FAM8A1: variants seen among roughly 807,000 people sequenced by gnomAD.
FAM8A1 encodes the protein family with sequence similarity 8 member A1.
A neutral mutation model predicts 38.3 loss-of-function variants in FAM8A1; 18 were observed. The ratio of observed to expected loss-of-function variants is 0.47; its 90% confidence interval spans 0.33 to 0.70. The LOEUF (loss-of-function observed/expected upper bound fraction) is 0.70. FAM8A1 is among the 30% of genes least tolerant of loss of function. The probability of loss-of-function intolerance (pLI) is 0.03; values close to 1 mark genes in which losing one functional copy is unlikely to be tolerated. For missense variants in FAM8A1, 559 were observed against 559.6 expected, an observed-to-expected ratio of 1.00 and a Z score of 0.01; for synonymous variants, 246 against 234.4, an observed-to-expected ratio of 1.05 and a Z score of -0.45.
chr6:17,607,258 C>CAAAAAA (rs879878979), intron 4 of FAM8A1, among the ~76,000 whole-genome samples: 8 of 35,194 alleles, frequency 2.3e-4, no homozygotes, highest in East Asian at 8.7e-4. Context: ...GACTCCATCT[C>CAAAAAA]AAAAAAAAAA....
In FAM8A1 at chr6:17,600,592, C is replaced by A. The variant is rs1391656648; in HGVS notation, c.183C>A (p.Ala61=). 1 of 1,490,152 alleles carries A rather than the reference C, an allele frequency of 6.7e-7. No homozygotes were observed. The highest frequency in any genetic ancestry group is 8.9e-7 in the Non-Finnish European group (1 of 1,125,148). 92.3% of individuals were successfully genotyped at this position (1,490,152 alleles called of 1,614,324 possible). ...GRPTAPGLAA[A]AAADKLEPPR... is the part of the protein sequence containing the mutation. ...CCACAGCCCCGGGCCTCGCGGCTGC[C>A]GCCGCAGCCGACAAATTGGAGCCGC... Residue 61 remains alanine, a synonymous_variant, in exon 1 of 5, where the codon GCC becomes GCA. Transcript: ENST00000259963.
chr6:17,600,874 C>A lies in FAM8A1; in HGVS notation c.465C>A (p.Gly155=). 1 of 1,605,756 alleles carries A rather than the reference C, an allele frequency of 6.2e-7. No individual in the cohort carries two copies. Among genetic ancestry groups the A allele is most frequent in the Non-Finnish European group, 8.5e-7 (1 of 1,178,118 alleles). Reference sequence around the variant, plus strand: ...CCCCGCAGAGCTTCCCTTCGGGCGGCGCTGCAGTCCCCCAGGCCGCGGCGC... The same window carrying A: ...CCCCGCAGAGCTTCCCTTCGGGCGGAGCTGCAGTCCCCCAGGCCGCGGCGC... ...QPSPQSFPSG[G]AAVPQAAAPP... The change falls in exon 1 of 5, where the codon GGC becomes GGA. Residue 155 remains glycine (G), a synonymous_variant. Transcript: ENST00000259963.
rs190492753 is a variant in FAM8A1, at chr6:17,607,128, C to T, written c.1098-1067C>T. 3.7e-4 allele frequency among the ~76,000 whole-genome samples: 56 copies of T among 151,772 alleles called. 1 individual carries two copies. The highest frequency in any genetic ancestry group is 5.9e-5 in the Non-Finnish European group (4 of 67,926). On this transcript the variant is annotated intron_variant, in intron 4 of 4. Transcript: ENST00000259963. The stretch of plus-strand genomic sequence containing the variant: ...ACAAAAAATTAGCCGGGCGTGGTGG[C>T]GGGCCCTGTAGTCCCAGCTACTCAG...
Position 17,608,560 on chromosome 6 carries a change from G to A in FAM8A1, c.*221G>A. 1 of 393,666 alleles carries A rather than the reference G, an allele frequency of 2.5e-6. No homozygotes were observed. The highest frequency in any genetic ancestry group is 4.4e-6 in the Non-Finnish European group (1 of 226,582). The allele number at this position is 393,666 out of a possible 1,614,324, so 24.4% of individuals were successfully genotyped here. A position where few individuals can be genotyped will look rare whatever the true frequency, so the allele number is the denominator to read the frequency against. ...GTATTAAAATTTTTAGATCAAAAAG[G>A]CAAATGATTTTATAAACAATGGACA... On this transcript the variant is annotated 3_prime_UTR_variant, in exon 5 of 5. Coordinates refer to ENST00000259963, the MANE Select transcript of FAM8A1 (RefSeq NM_016255.3).
At position 17,602,576 on chromosome 6, in the gene FAM8A1, T is replaced by A. The variant is rs780908188; in HGVS notation, c.713-14T>A. ...ATTCGTTTTTCCTAACTTTTTTTTTTTTTTAATTTACAGGCAGAGAATATG... is the reference window on the plus strand; with the variant it reads ...ATTCGTTTTTCCTAACTTTTTTTTTATTTTAATTTACAGGCAGAGAATATG... On this transcript the variant is annotated splice_polypyrimidine_tract_variant and intron_variant, in intron 1 of 4. Transcript: ENST00000259963. The A allele has an allele frequency of 9.1e-6, 14 of 1,534,380 alleles. No individual in the cohort carries two copies. The highest frequency in any genetic ancestry group is 2.3e-4 in the Middle Eastern group (1 of 4,334).
Position 17,608,281 on chromosome 6 carries a change from G to A in FAM8A1, c.1184G>A (p.Arg395Gln), listed in dbSNP as rs1316030241. 14 of 1,613,190 alleles carry A rather than the reference G, an allele frequency of 8.7e-6. No individual in the cohort carries two copies. The highest frequency in any genetic ancestry group is 2.2e-5 in the East Asian group (1 of 44,850). The part of the protein sequence containing the change: ...FITLLFFQHN[R>Q]TAYDIVAGTI... ...ACACTGCTGTTTTTTCAGCATAATC[G>A]AACAGCTTATGACATTGTAGCAGGA... Residue 395 changes from arginine (R) to glutamine (Q), a missense_variant, in exon 5 of 5, where the codon CGA becomes CAA. Physicochemically the swap from Arg to Gln is conservative, Grantham distance 43. Around this residue, in one of 2 missense-constraint regions of FAM8A1, gnomAD observed 166 missense variants for 220.8 expected, o/e 0.75. Coordinates refer to ENST00000259963, the MANE Select transcript of FAM8A1 (RefSeq NM_016255.3).
rs774848075 is a variant in FAM8A1 at position 17,601,053 on chromosome 6, C to A, written c.644C>A (p.Ala215Asp). The A allele has an allele frequency of 5.0e-6, 8 of 1,596,034 alleles. No individual in the cohort carries two copies. The African/African-American group carries it at 1.1e-4, about 21-fold the overall frequency. Residue 215 changes from alanine to aspartate, a missense_variant, in exon 1 of 5, where the codon GCC (alanine) becomes GAC (aspartate). Physicochemically the swap from Ala to Asp is moderately radical, Grantham distance 126. This residue lies in a region of FAM8A1 where 393 missense variants were observed against 338.9 expected (regional missense o/e 1.16). Coordinates refer to ENST00000259963, the MANE Select transcript of FAM8A1 (RefSeq NM_016255.3). Reference protein sequence around the residue: ...RAPHVQASVRATPVTRVGSAA... With the variant: ...RAPHVQASVRDTPVTRVGSAA... ...CCTCACGTGCAGGCGTCGGTCCGGG[C>A]CACTCCAGTGACGAGGGTAGGATCC...
At position 17,610,681 on chromosome 6, in the gene FAM8A1, G is replaced by GT. The variant is rs1373267647; in HGVS notation, c.*2343dup. On this transcript the variant is annotated 3_prime_UTR_variant, in exon 5 of 5. Coordinates refer to ENST00000259963, the MANE Select transcript of FAM8A1 (RefSeq NM_016255.3). ...TATAGACCTGATTTTCTGTGTCAAAGTATAATTCTCATGCTGAAGCTGTAG... is the reference window on the plus strand; with the variant it reads ...TATAGACCTGATTTTCTGTGTCAAAGTTATAATTCTCATGCTGAAGCTGTAG... 6.6e-6 allele frequency: 1 copy of GT among 152,144 alleles called. No homozygotes were observed. Among genetic ancestry groups the GT allele is most frequent in the Non-Finnish European group, 1.5e-5 (1 of 68,004 alleles). 9.4% of individuals were successfully genotyped at this position (152,144 alleles called of 1,614,324 possible). A position where few individuals can be genotyped will look rare whatever the true frequency, so the allele number is the denominator to read the frequency against.
At position 17,600,745 on chromosome 6, in the gene FAM8A1, G is replaced by T; in HGVS notation, c.336G>T (p.Glu112Asp). The part of the protein sequence containing the change: ...RERPARLSAR[E>D]YSRQVHEWLW... Reference sequence around the variant, plus strand: ...GACCAGCTCGGCTGAGCGCCCGCGAGTACTCCCGGCAAGTGCACGAGTGGC... The same window carrying T: ...GACCAGCTCGGCTGAGCGCCCGCGATTACTCCCGGCAAGTGCACGAGTGGC... The change falls in exon 1 of 5, where the codon GAG (glutamate) becomes GAT (aspartate). Residue 112 changes from glutamate (E) to aspartate (D), a missense_variant. Glu to Asp is a conservative substitution (Grantham distance 45, BLOSUM62 2). Transcript: ENST00000259963. 2.5e-6 allele frequency: 4 copies of T among 1,569,310 alleles called. No homozygotes were observed. Among genetic ancestry groups the T allele is most frequent in the Non-Finnish European group, 3.5e-6 (4 of 1,159,040 alleles).
rs1277906535 is a variant in FAM8A1, at chr6:17,611,439, A to G, written c.*3100A>G. 6.6e-6 allele frequency: 1 copy of G among 152,654 alleles called. No individual in the cohort carries two copies. The highest frequency in any genetic ancestry group is 6.5e-5 in the Admixed American group (1 of 15,274). 9.5% of individuals were successfully genotyped at this position (152,654 alleles called of 1,614,324 possible). On this transcript the variant is annotated 3_prime_UTR_variant, in exon 5 of 5. Transcript: ENST00000259963. ...CAGTTGTTTCTTTGAATATGCCTAA[A>G]TAACAGTATTCTTAAAATCTGACAG...
rs1230463288 is a variant in FAM8A1 at position 17,600,541 on chromosome 6, G to A, written c.132G>A (p.Gln44=). Residue 44 remains glutamine, a synonymous_variant, in exon 1 of 5, where the codon CAG becomes CAA. Coordinates refer to ENST00000259963, the MANE Select transcript of FAM8A1 (RefSeq NM_016255.3). ...TAVPCPRDDP[Q]AEPQAPGRPT... ...TCCCATGCCCCCGCGACGACCCCCAGGCCGAACCCCAGGCCCCGGGCCGGC... is the reference window on the plus strand; with the variant it reads ...TCCCATGCCCCCGCGACGACCCCCAAGCCGAACCCCAGGCCCCGGGCCGGC... 1 of 1,522,240 alleles carries A rather than the reference G, an allele frequency of 6.6e-7. No individual in the cohort carries two copies. The highest frequency in any genetic ancestry group is 8.8e-7 in the Non-Finnish European group (1 of 1,139,370). 94.3% of individuals were successfully genotyped at this position (1,522,240 alleles called of 1,614,324 possible).
intron 1 of FAM8A1, 97 bp from the exon 2 acceptor site, chr6:17,602,493 C>A: frequency 1.6e-6 from 2 of 1,221,666 alleles, no homozygotes; most frequent in Admixed American, 2.4e-5. Flanking sequence ...TTAAGTTGTA[C>A]CTTGACTTTC....
chr6:17,606,241 C>A (rs1300254040), intron 4 of FAM8A1, among the ~76,000 whole-genome samples: 1 of 143,158 alleles, frequency 7.0e-6, no homozygotes, highest in African/African-American at 2.7e-5. Flanking sequence ...CACTCTGTTG[C>A]CCAGGCTGGA....
At chr6:17,603,254 T>C (rs748139440) in intron 2 of FAM8A1, among the ~76,000 whole-genome samples, 16 of 152,262 alleles carry the variant, frequency 1.1e-4, no homozygotes, top group Non-Finnish European at 2.1e-4. Context: ...ATATGCCATG[T>C]ATTGAGCTTG....
intron 1 of FAM8A1, among the ~76,000 whole-genome samples, chr6:17,601,388 C>T (rs767109650): frequency 8.9e-4 from 136 of 152,352 alleles, no homozygotes; most frequent in Non-Finnish European, 1.4e-3. Flanking sequence ...AAAGAAATTG[C>T]TCTTCAAACC....
intron 2 of FAM8A1, among the ~76,000 whole-genome samples, chr6:17,602,969 C>A (rs4142551): frequency 0.21 from 32,503 of 152,140 alleles, 4,092 homozygotes; most frequent in Non-Finnish European, 0.27. Context: ...AGCCTCCAAA[C>A]CTGCTTTGAT....
chr6:17,601,451 C>G (rs1252606443), intron 1 of FAM8A1, among the ~76,000 whole-genome samples: 2 of 152,160 alleles, frequency 1.3e-5, no homozygotes, highest in Non-Finnish European at 2.9e-5. Flanking sequence ...GCTAAATTCG[C>G]AAATGGCAAA....
Position 17,602,662 on chromosome 6 carries a change from T to C in FAM8A1, c.785T>C (p.Phe262Ser). The C allele has an allele frequency of 6.2e-7, 1 of 1,613,808 alleles. No homozygotes were observed. Among genetic ancestry groups the C allele is most frequent in the East Asian group, 2.2e-5 (1 of 44,838 alleles). ...AEMVDFFILF[F>S]IKATIVLSIM... ...ATGGTGGATTTCTTTATTCTCTTCTTTATAAAAGCAACCATTGTCTTAAGC... is the reference window on the plus strand; with the variant it reads ...ATGGTGGATTTCTTTATTCTCTTCTCTATAAAAGCAACCATTGTCTTAAGC... The change falls in exon 2 of 5, where the codon TTT becomes TCT. Residue 262 changes from phenylalanine to serine, a missense_variant. Coordinates refer to ENST00000259963, the MANE Select transcript of FAM8A1 (RefSeq NM_016255.3).
At position 17,602,579 on chromosome 6, in the gene FAM8A1, TTA is replaced by T; in HGVS notation, c.713-10_713-9del. 1 of 1,532,252 alleles carries T rather than the reference TTA, an allele frequency of 6.5e-7. No homozygotes were observed. The allele number at this position is 1,532,252 out of a possible 1,614,324, so 94.9% of individuals were successfully genotyped here. On this transcript the variant is annotated splice_polypyrimidine_tract_variant and intron_variant, in intron 1 of 4. Coordinates refer to ENST00000259963, the MANE Select transcript of FAM8A1 (RefSeq NM_016255.3). Reference sequence around the variant, plus strand: ...CGTTTTTCCTAACTTTTTTTTTTTTTTAATTTACAGGCAGAGAATATGTTATT... The same window carrying T: ...CGTTTTTCCTAACTTTTTTTTTTTTTATTTACAGGCAGAGAATATGTTATT...
Sources: gnomAD v4.1 joint callset for allele counts (sites outside exome capture counted in the v4.1 genomes callset) on GRCh38, gnomAD v4.1.1 for gene constraint, gnomAD v4.1.1 regional missense constraint, MANE v1.5 for transcripts, NCBI Gene and HGNC (gene_info 2026-07-23, HGNC 2026-07-21) for gene names.